The following FANCM variants were observed in gnomAD, a reference collection of about 807,000 sequenced individuals.
FANCM encodes the protein Fanconi anemia group M protein.
In FANCM, 140 loss-of-function variants were observed where a neutral mutation model predicts 199.5. That is an observed-to-expected ratio of 0.70 (90% CI 0.61 to 0.81). The LOEUF (loss-of-function observed/expected upper bound fraction) is 0.81, where lower values mean the gene tolerates loss of function less well. Ranked by LOEUF, FANCM falls within the 30% of genes least tolerant of loss-of-function variation. FANCM has a pLI of 0.00. For synonymous variants in FANCM, 840 were observed against 836.8 expected (o/e 1.00, Z -0.07); for missense variants, 2,410 against 2,421.4 (o/e 1.00, Z 0.10).
intron 3 of FANCM, among the ~76,000 whole-genome samples, chr14:45,145,652 T>C (rs941551721): frequency 6.6e-6 from 1 of 152,080 alleles, no homozygotes; most frequent in African/African-American, 2.4e-5. Context: ...TGGCTGAGCG[T>C]GGTGGCTCAC....
rs1888706153 is a variant in FANCM, at chr14:45,176,440, C to G, written c.3686C>G (p.Ser1229Cys). 1 of 1,612,832 alleles carries G rather than the reference C, an allele frequency of 6.2e-7. No homozygotes were observed. Reference sequence around the variant, plus strand: ...TTTGATTGCTCTAGGGATTTATTTTCTGTTACCTTTGATTTAGGATTCTGT... The same window carrying G: ...TTTGATTGCTCTAGGGATTTATTTTGTGTTACCTTTGATTTAGGATTCTGT... Reference protein sequence around the residue: ...DIFDCSRDLFSVTFDLGFCSP... With the variant: ...DIFDCSRDLFCVTFDLGFCSP... Residue 1229 changes from serine to cysteine, a missense_variant, in exon 14 of 23, where the codon TCT becomes TGT. Coordinates refer to ENST00000267430, the MANE Select transcript of FANCM (RefSeq NM_020937.4).
At chr14:45,177,300 GA>G (rs1264038365) in intron 14 of FANCM, among the ~76,000 whole-genome samples, 4 of 152,160 alleles carry the variant, frequency 2.6e-5, no homozygotes, top group African/African-American at 9.7e-5. Context: ...GTAAAATGTG[GA>G]AATAACTACC....
At position 45,147,897 on chromosome 14, in the gene FANCM, G is replaced by GCCC. The variant is rs369490952; in HGVS notation, c.760-932_760-930dup. Among the ~76,000 whole-genome samples the GCCC allele has an allele frequency of 3.3e-3, 421 of 125,974 alleles. 2 individuals are homozygous for GCCC. Among genetic ancestry groups the GCCC allele is most frequent in the African/African-American group, 0.012 (406 of 32,962 alleles). 82.6% of individuals were successfully genotyped at this position (125,974 alleles called of 152,430 possible). A position where few individuals can be genotyped will look rare whatever the true frequency, so the allele number is the denominator to read the frequency against. On this transcript the variant is annotated intron_variant, in intron 3 of 22. Transcript: ENST00000267430. Reference sequence around the variant, plus strand: ...GGGCGACAGAGGGAGGTTCCAAACCGCCCCCCCCCCAAAAAAAAAGCCGGG... The same window carrying GCCC: ...GGGCGACAGAGGGAGGTTCCAAACCGCCCCCCCCCCCCCAAAAAAAAAGCCGGG...
chr14:45,200,379 G>A lies in FANCM; in HGVS notation c.*371G>A, dbSNP rs992217639. On this transcript the variant is annotated 3_prime_UTR_variant, in exon 23 of 23. Coordinates refer to ENST00000267430, the MANE Select transcript of FANCM (RefSeq NM_020937.4). ...ACATGTCTATGACTACAGCCAACTT[G>A]TCGATTTTCCCTATGTGTAGATAGT... is the stretch of plus-strand genomic sequence containing the variant. 6.3e-5 allele frequency: 10 copies of A among 157,520 alleles called. No individual in the cohort carries two copies. Among genetic ancestry groups the A allele is most frequent in the Non-Finnish European group, 1.1e-4 (8 of 72,598 alleles). The allele number at this position is 157,520 out of a possible 1,614,324, so 9.8% of individuals were successfully genotyped here. A position where few individuals can be genotyped will look rare whatever the true frequency, so the allele number is the denominator to read the frequency against.
Position 45,164,553 on chromosome 14 carries a change from A to G in FANCM, c.1776A>G (p.Gly592=). 1.2e-6 allele frequency: 2 copies of G among 1,611,304 alleles called. No homozygotes were observed. Among genetic ancestry groups the G allele is most frequent in the Non-Finnish European group, 8.5e-7 (1 of 1,178,806 alleles). Residue 592 remains glycine (G), a synonymous_variant, in exon 10 of 23, where the codon GGA becomes GGG. Coordinates refer to ENST00000267430, the MANE Select transcript of FANCM (RefSeq NM_020937.4). Reference sequence around the variant, plus strand: ...GGATAGTTATTATCCTTTCTGAAGGACGAGAGGAACGTGTAAGTAGAGCTG... The same window carrying G: ...GGATAGTTATTATCCTTTCTGAAGGGCGAGAGGAACGTGTAAGTAGAGCTG... ...QGRIVIILSE[G]REERIYNQSQ...
intron 5 of FANCM, among the ~76,000 whole-genome samples, chr14:45,152,157 T>G (rs866114463): frequency 1.5e-4 from 23 of 151,866 alleles, no homozygotes; most frequent in African/African-American, 5.6e-4. Context: ...GCCTCCCTAG[T>G]AGCTGGGACT....
In FANCM at chr14:45,167,135, A is replaced by C. The variant is rs1888039482; in HGVS notation, c.1974A>C (p.Arg658=). Residue 658 remains arginine, a synonymous_variant, in exon 11 of 23, where the codon CGA becomes CGC. Transcript: ENST00000267430. ...EPEKPSRNLQ[R]KSSIFSYRDG... Reference sequence around the variant, plus strand: ...AGAAGCCTTCTCGGAACTTGCAGCGAAAGTCATCTATCTTTTCCTATAGGG... The same window carrying C: ...AGAAGCCTTCTCGGAACTTGCAGCGCAAGTCATCTATCTTTTCCTATAGGG... 1.9e-6 allele frequency: 3 copies of C among 1,612,046 alleles called. No homozygotes were observed. The highest frequency in any genetic ancestry group is 2.5e-6 in the Non-Finnish European group (3 of 1,178,212).
At chr14:45,155,538 G>C in intron 8 of FANCM, 79 bp downstream of exon 8, 1 of 762,376 alleles carries the variant, frequency 1.3e-6, no homozygotes, top group Non-Finnish European at 2.3e-6. Flanking sequence ...GGGTGCAGTG[G>C]TTCACACCTG....
At position 45,185,276 on chromosome 14, in the gene FANCM, T is replaced by C. The variant is rs756538862; in HGVS notation, c.4575T>C (p.Tyr1525=). 12 of 1,603,316 alleles carry C rather than the reference T, an allele frequency of 7.5e-6. No homozygotes were observed. In the South Asian group the frequency reaches 1.0e-4, roughly 13 times the overall value. ...AACTTTCTGAAGAAGATGCAGAATA[T>C]GTTTCATCAGATGAAAATGATGAGT... ...EAELSEEDAE[Y]VSSDENDESE... is the part of the protein sequence containing the mutation. The change falls in exon 18 of 23, where the codon TAT becomes TAC. Residue 1525 remains tyrosine, a synonymous_variant. Coordinates refer to ENST00000267430, the MANE Select transcript of FANCM (RefSeq NM_020937.4).
At chr14:45,161,166 T>A (rs1043618424) in intron 9 of FANCM, among the ~76,000 whole-genome samples, 13 of 152,354 alleles carry the variant, frequency 8.5e-5, no homozygotes, top group African/African-American at 3.1e-4. Context: ...AAGAACATTA[T>A]TGATTTTACT....
chr14:45,185,587 T>G (rs1217347193), intron 18 of FANCM, among the ~76,000 whole-genome samples: 14 of 152,182 alleles, frequency 9.2e-5, no homozygotes, highest in Non-Finnish European at 1.8e-4. Context: ...ATATTTCTCT[T>G]CAGATTGACC....
At position 45,185,317 on chromosome 14, in the gene FANCM, A is replaced by G. The variant is rs763891867; in HGVS notation, c.4616A>G (p.Asp1539Gly). 1.9e-6 allele frequency: 3 copies of G among 1,595,946 alleles called. No individual in the cohort carries two copies. In the South Asian group the frequency reaches 3.4e-5, roughly 18 times the overall value. ...DENDESENEQDSSLLDFLNDE... is the reference protein window; with the variant it reads ...DENDESENEQGSSLLDFLNDE... ...AATGATGAGTCAGAAAATGAACAAG[A>G]TTCCTCATTACTTGACTTTTTAAAT... Residue 1539 changes from aspartate to glycine, a missense_variant, in exon 18 of 23, where the codon GAT (aspartate) becomes GGT (glycine). By Grantham distance (94) the Asp-to-Gly change is moderately conservative. Coordinates refer to ENST00000267430, the MANE Select transcript of FANCM (RefSeq NM_020937.4).
Position 45,135,948 on chromosome 14 carries a change from G to T in FANCM, c.-84G>T. The T allele has an allele frequency of 1.4e-6, 2 of 1,480,844 alleles. No individual in the cohort carries two copies. The highest frequency in any genetic ancestry group is 1.9e-6 in the Non-Finnish European group (2 of 1,064,722). 91.7% of individuals were successfully genotyped at this position (1,480,844 alleles called of 1,614,324 possible). A position where few individuals can be genotyped will look rare whatever the true frequency, so the allele number is the denominator to read the frequency against. On this transcript the variant is annotated 5_prime_UTR_variant, in exon 1 of 23. Coordinates refer to ENST00000267430, the MANE Select transcript of FANCM (RefSeq NM_020937.4). The stretch of plus-strand genomic sequence containing the variant: ...TCTCGTTCCAGAGTTTTGTGCGAAG[G>T]AAACCGATGGGGATCGGAACCGTAG...
At chr14:45,160,587 G>A (rs1204897147) in intron 9 of FANCM, among the ~76,000 whole-genome samples, 1 of 142,710 alleles carries the variant, frequency 7.0e-6, no homozygotes, top group East Asian at 2.1e-4. Context: ...CTCTGTTGCC[G>A]AGGCTGGAGT....
At chr14:45,151,930 A>G (rs990330267) in intron 5 of FANCM, among the ~76,000 whole-genome samples, 123 of 152,056 alleles carry the variant, frequency 8.1e-4, no homozygotes, top group Non-Finnish European at 1.4e-3. Flanking sequence ...AAAAAAAAAA[A>G]AAAATCAGAA....
At position 45,191,880 on chromosome 14, in the gene FANCM, A is replaced by G. The variant is rs151035221; in HGVS notation, c.5340+2518A>G. On this transcript the variant is annotated intron_variant, in intron 20 of 22. Transcript: ENST00000267430. ...TTTTGTGTTTAGTGTTTCTTGCTAT[A>G]TGAAATATAACTTCTTTATGCAGCC... Among the ~76,000 whole-genome samples, 755 of 152,204 alleles carry G rather than the reference A, an allele frequency of 5.0e-3. 9 individuals carry two copies. Among genetic ancestry groups the G allele is most frequent in the African/African-American group, 0.017 (699 of 41,542 alleles).
At chr14:45,153,847 C>A in intron 5 of FANCM, 73 bp from the exon 6 acceptor site, 1 of 1,178,502 alleles carries the variant, frequency 8.5e-7, no homozygotes, top group Non-Finnish European at 1.3e-6. Flanking sequence ...TGACTATGGC[C>A]TGACAACTTG....
Position 45,176,386 on chromosome 14 carries a change from A to G in FANCM, c.3632A>G (p.Glu1211Gly). The G allele has an allele frequency of 6.2e-7, 1 of 1,613,010 alleles. No individual in the cohort carries two copies. Among genetic ancestry groups the G allele is most frequent in the Non-Finnish European group, 8.5e-7 (1 of 1,179,864 alleles). ...FKSRDQRGVQ[E>G]EKVKNHEDIF... ...TCTCGTGATCAGAGAGGTGTACAGG[A>G]AGAAAAAGTGAAGAATCATGAGGAT... Residue 1211 changes from glutamate to glycine, a missense_variant, in exon 14 of 23, where the codon GAA (glutamate) becomes GGA (glycine). Coordinates refer to ENST00000267430, the MANE Select transcript of FANCM (RefSeq NM_020937.4).
intron 9 of FANCM, among the ~76,000 whole-genome samples, chr14:45,163,461 G>A (rs1467996525): frequency 6.6e-6 from 1 of 152,138 alleles, no homozygotes; most frequent in Non-Finnish European, 1.5e-5. Context: ...TGGTCTGTAT[G>A]GAGAAACTGA....
Sources: gnomAD v4.1 joint callset for allele counts (sites outside exome capture counted in the v4.1 genomes callset) on GRCh38, gnomAD v4.1.1 for gene constraint, MANE v1.5 for transcripts, NCBI Gene and HGNC (gene_info 2026-07-23, HGNC 2026-07-21) for gene names.